CCDC32: variants seen among roughly 807,000 people sequenced by gnomAD.
CCDC32 encodes coiled-coil domain containing 32.
A neutral mutation model predicts 20.1 loss-of-function variants in CCDC32; 9 were observed. The observed-to-expected ratio is 0.45, with a 90% CI of 0.27 to 0.78. CCDC32 has a LOEUF of 0.78. Among genes scored for constraint, CCDC32 ranks in the 30% least tolerant of loss-of-function variants. CCDC32 has a pLI of 0.16. For synonymous variants in CCDC32, 63 were observed against 79.0 expected (o/e 0.80, Z 1.07); for missense variants, 204 against 215.5 (o/e 0.95, Z 0.33).
intron 1 of CCDC32, chr15:40,564,642 G>T: frequency 7.3e-7 from 1 of 1,367,934 alleles, no homozygotes; most frequent in Admixed American, 1.8e-5. Flanking sequence ...CCCAGCCAGC[G>T]TAAAGGCCGG....
intron 2 of CCDC32, among the ~76,000 whole-genome samples, chr15:40,559,047 G>C (rs1443656182): frequency 6.6e-6 from 1 of 151,210 alleles, no homozygotes; most frequent in Non-Finnish European, 1.5e-5. Flanking sequence ...CATGTGATCT[G>C]CCTGCCTCGG....
downstream of CCDC32, chr15:40,539,145 T>C (rs1889261727): frequency 5.7e-6 from 6 of 1,059,676 alleles, no homozygotes; most frequent in Non-Finnish European, 8.3e-6. Context: ...TAGTTGTTGC[T>C]GTTTCTCCCC....
At chr15:40,558,906 C>G (rs895152347) in intron 2 of CCDC32, among the ~76,000 whole-genome samples, 1 of 150,142 alleles carries the variant, frequency 6.7e-6, no homozygotes, top group African/African-American at 2.5e-5. Context: ...TGGGTTCAAG[C>G]GATTCTCCTG....
intron 2 of CCDC32, among the ~76,000 whole-genome samples, chr15:40,561,149 G>A (rs1890595445): frequency 6.6e-6 from 1 of 152,164 alleles, no homozygotes; most frequent in Non-Finnish European, 1.5e-5. Context: ...CTTATAAGTG[G>A]GAGCTAAGCT....
In CCDC32 at chr15:40,562,898, A is replaced by C; in HGVS notation, c.118T>G (p.Ser40Ala). The part of the protein sequence containing the change: ...EQEDGANNAF[S>A]DSFVDSCPEG... ...GGGCAAGAATCCACAAAGGAGTCTG[A>C]GAATGCATTGTTGGCACCATCTTCT... The change falls in exon 2 of 4, where the codon TCA becomes GCA. Residue 40 changes from serine (S) to alanine (A), a missense_variant. Transcript: ENST00000416810. 6.2e-7 allele frequency: 1 copy of C among 1,614,210 alleles called. No homozygotes were observed. The highest frequency in any genetic ancestry group is 8.5e-7 in the Non-Finnish European group (1 of 1,180,038).
chr15:40,545,028 T>G (rs1889556951), intron 3 of CCDC32, among the ~76,000 whole-genome samples: 1 of 152,218 alleles, frequency 6.6e-6, no homozygotes, highest in African/African-American at 2.4e-5. Context: ...GATGTTGAGC[T>G]GAACAGAGGA....
chr15:40,559,632 T>C (rs1566985339), intron 2 of CCDC32, among the ~76,000 whole-genome samples: 1 of 152,200 alleles, frequency 6.6e-6, no homozygotes, highest in Non-Finnish European at 1.5e-5. Flanking sequence ...GTTTTTCTCA[T>C]ATCTTTTTCC....
At position 40,542,990 on chromosome 15, in the gene CCDC32, TAA is replaced by T. The variant is rs34164113; in HGVS notation, c.402-3637_402-3636del. 3.1e-3 allele frequency among the ~76,000 whole-genome samples: 444 copies of T among 144,920 alleles called. 2 individuals are homozygous for T. The highest frequency in any genetic ancestry group is 3.5e-3 in the Middle Eastern group (1 of 288). On this transcript the variant is annotated intron_variant, in intron 3 of 3. Transcript: ENST00000558113. ...CTGGGCAACATACTGAGACTTTTCT[TAA>T]AAAAAAAAAAAAATTAGCCAGGGGT... is the stretch of plus-strand genomic sequence containing the variant.
intron 3 of CCDC32, among the ~76,000 whole-genome samples, chr15:40,541,773 GTCCT>G (rs1889405871): frequency 6.6e-6 from 1 of 152,074 alleles, no homozygotes. Context: ...CTACATACAG[GTCCT>G]TGTCTCAAGG....
At chr15:40,562,367 C>G (rs1890699958) in intron 2 of CCDC32, among the ~76,000 whole-genome samples, 2 of 152,044 alleles carry the variant, frequency 1.3e-5, no homozygotes, top group Admixed American at 1.3e-4. Context: ...TGAGGTCAGG[C>G]ATTCGAGACC....
At chr15:40,535,527 G>T, downstream of CCDC32, 22 of 985,618 alleles carry the variant, frequency 2.2e-5, no homozygotes, top group Non-Finnish European at 2.6e-5. Flanking sequence ...AGTTTTCAGG[G>T]CCCGCCCCTT....
At chr15:40,523,586 T>C in the CCDC32 span, among the ~76,000 whole-genome samples, 4 of 152,164 alleles carry the variant, frequency 2.6e-5, no homozygotes, top group East Asian at 7.7e-4. Context: ...ATAACCATAA[T>C]TACCTCAACT....
downstream of CCDC32, among the ~76,000 whole-genome samples, chr15:40,526,725 T>C (rs1894904448): frequency 2.0e-5 from 3 of 152,206 alleles, no homozygotes; most frequent in East Asian, 5.8e-4. Context: ...CCAGCCTGGC[T>C]AACATGGCAA....
chr15:40,544,171 T>G (rs1262882600), intron 3 of CCDC32, among the ~76,000 whole-genome samples: 1 of 152,148 alleles, frequency 6.6e-6, no homozygotes, highest in Admixed American at 6.5e-5. Flanking sequence ...GCTCCAATGA[T>G]GAGCATGTGA....
chr15:40,539,843 CACA>C (rs1241186521), intron 3 of CCDC32, among the ~76,000 whole-genome samples: 5 of 83,484 alleles, frequency 6.0e-5, no homozygotes, highest in South Asian at 7.9e-4. Context: ...ACTGTTGCCA[CACA>C]CACACACACA....
chr15:40,543,661 G>C (rs897551186), intron 3 of CCDC32, among the ~76,000 whole-genome samples: 2 of 152,068 alleles, frequency 1.3e-5, no homozygotes, highest in African/African-American at 2.4e-5. Context: ...CCCCATATTG[G>C]CCAGGCTGGT....
At chr15:40,563,441 T>G (rs1890791480) in intron 1 of CCDC32, among the ~76,000 whole-genome samples, 1 of 152,102 alleles carries the variant, frequency 6.6e-6, no homozygotes, top group Non-Finnish European at 1.5e-5. Context: ...TGATTCCACT[T>G]ATATAAGGTA....
Position 40,539,940 on chromosome 15 carries a change from C to G in CCDC32, c.402-585G>C, listed in dbSNP as rs141011392. Among the ~76,000 whole-genome samples the G allele has an allele frequency of 7.6e-3, 1,159 of 152,026 alleles. 19 individuals carry two copies. The highest frequency in any genetic ancestry group is 0.027 in the African/African-American group (1,101 of 41,480). ...AACTCATCATAAATACCTACTCAGC[C>G]TCACTTCGCCCAGGTGGTGAAATGG... On this transcript the variant is annotated intron_variant, in intron 3 of 3. Transcript: ENST00000558113.
intron 2 of CCDC32, among the ~76,000 whole-genome samples, chr15:40,559,280 T>C (rs1890464261): frequency 6.6e-6 from 1 of 152,168 alleles, no homozygotes; most frequent in Non-Finnish European, 1.5e-5. Flanking sequence ...GTAAAGACAG[T>C]CTCACTATGT....
Sources: gnomAD v4.1 joint callset for allele counts (sites outside exome capture counted in the v4.1 genomes callset) on GRCh38, gnomAD v4.1.1 for gene constraint, MANE v1.5 for transcripts, NCBI Gene and HGNC (gene_info 2026-07-23, HGNC 2026-07-21) for gene names.